The following ACACA variants were observed in gnomAD, a reference collection of about 807,000 sequenced individuals.
ACACA encodes acetyl-CoA carboxylase alpha.
In ACACA, 103 loss-of-function variants were observed where a neutral mutation model predicts 296.1. That is an observed-to-expected ratio of 0.35 (90% CI 0.30 to 0.41). ACACA has a LOEUF of 0.41. Among genes scored for constraint, ACACA ranks in the 10% least tolerant of loss-of-function variants. The pLI is 1.00. For synonymous variants in ACACA, 953 were observed against 1,038.6 expected, an observed-to-expected ratio of 0.92 and a Z score of 1.58; for missense variants, 1,554 against 2,989.7, an observed-to-expected ratio of 0.52 and a Z score of 11.20.
At chr17:37,273,852 C>A (rs1474579845) in intron 9 of ACACA, among the ~76,000 whole-genome samples, 1 of 152,168 alleles carries the variant, frequency 6.6e-6, no homozygotes, top group Non-Finnish European at 1.5e-5. Context: ...TTGTCCCCGC[C>A]CTCACACACT....
chr17:37,336,980 A>G (rs1381478310), intron 2 of ACACA, among the ~76,000 whole-genome samples: 1 of 152,174 alleles, frequency 6.6e-6, no homozygotes, highest in Admixed American at 6.5e-5. Context: ...ATGCTAGAGT[A>G]GTGTGGTTCT....
chr17:37,344,545 G>A (rs373601377), intron 1 of ACACA, among the ~76,000 whole-genome samples: 1 of 151,922 alleles, frequency 6.6e-6, no homozygotes, highest in Non-Finnish European at 1.5e-5. Context: ...GTGACAGAGC[G>A]AGACTCCTTC....
Position 37,255,872 on chromosome 17 carries a change from G to A in ACACA, c.1826+1831C>T, listed in dbSNP as rs551049855. Among the ~76,000 whole-genome samples, 162 of 152,068 alleles carry A rather than the reference G, an allele frequency of 1.1e-3. 1 individual carries two copies. The highest frequency in any genetic ancestry group is 1.9e-3 in the Non-Finnish European group (130 of 67,978). On this transcript the variant is annotated intron_variant, in intron 14 of 55. Transcript: ENST00000616317. Reference sequence around the variant, plus strand: ...AGTGATTCTCCTGCCTCAGCTTCCCGAGTAGCTGGGATTACAGGCAGTTGC... The same window carrying A: ...AGTGATTCTCCTGCCTCAGCTTCCCAAGTAGCTGGGATTACAGGCAGTTGC...
intron 35 of ACACA, among the ~76,000 whole-genome samples, chr17:37,197,741 T>A (rs925495532): frequency 6.6e-6 from 1 of 152,202 alleles, no homozygotes; most frequent in African/African-American, 2.4e-5. Context: ...TGGATGGAGT[T>A]CGGTTTAATA....
intron 1 of ACACA, among the ~76,000 whole-genome samples, chr17:37,360,943 G>GTGAC (rs1195027182): frequency 6.6e-6 from 1 of 152,004 alleles, no homozygotes; most frequent in Non-Finnish European, 1.5e-5. Context: ...CATGAAGGGA[G>GTGAC]TGACTTCAAA....
intron 1 of ACACA, among the ~76,000 whole-genome samples, chr17:37,382,970 G>GAGGTTGCA (rs1489290011): frequency 6.6e-6 from 1 of 152,210 alleles, no homozygotes; most frequent in East Asian, 1.9e-4. Flanking sequence ...CCGGGAGGCG[G>GAGGTTGCA]AGGTTGCAGT....
Position 37,121,452 on chromosome 17 carries a change from A to G in ACACA, c.6177T>C (p.Ser2059=). 6.2e-7 allele frequency: 1 copy of G among 1,614,224 alleles called. No individual in the cohort carries two copies. The highest frequency in any genetic ancestry group is 8.5e-7 in the Non-Finnish European group (1 of 1,180,040). Residue 2059 remains serine, a synonymous_variant, in exon 50 of 56, where the codon TCT becomes TCC. Transcript: ENST00000616317. ...TGATGGCCTGATACGTCTTAAACGC[A>G]GAATCTGGGAACCAAACCTGGCCAG... ...QQAGQVWFPD[S]AFKTYQAIKD...
rs1416584049 is a variant in ACACA at position 37,113,033 on chromosome 17, CCAACAG to C, written c.6452+49_6452+54del. ...GGCTGTAACATTCTCCAGGAGGAAA[CCAACAG>C]CTACAGGGTCCCTAAAGGCAGTGAA... is the stretch of plus-strand genomic sequence containing the variant. On this transcript the variant is annotated intron_variant, in intron 51 of 55. Coordinates refer to ENST00000616317, the MANE Select transcript of ACACA (RefSeq NM_198834.3). This position sits in a 1 kb window ranked among gnomAD's most constrained non-coding sequence, Gnocchi z 4.0. 6.2e-7 allele frequency: 1 copy of C among 1,605,464 alleles called. No individual in the cohort carries two copies. Among genetic ancestry groups the C allele is most frequent in the Non-Finnish European group, 8.5e-7 (1 of 1,173,890 alleles).
chr17:37,182,900 T>C (rs954225686), intron 39 of ACACA, among the ~76,000 whole-genome samples: 2 of 152,192 alleles, frequency 1.3e-5, no homozygotes, highest in African/African-American at 2.4e-5. Context: ...GGGGAAAACA[T>C]GTCTCAGGCT....
rs749410059 is a variant in ACACA, at chr17:37,225,125, G to A, written c.3361-20C>T. ...AAGAACCTAGAGTGAGAACAAAATA[G>A]GAGGCACACATTCCTCGGAGTGATT... is the stretch of plus-strand genomic sequence containing the variant. On this transcript the variant is annotated intron_variant, in intron 26 of 55. Coordinates refer to ENST00000616317, the MANE Select transcript of ACACA (RefSeq NM_198834.3). The A allele has an allele frequency of 5.0e-6, 7 of 1,398,526 alleles. No individual in the cohort carries two copies. The African/African-American group carries it at 9.9e-5, about 20-fold the overall frequency. 86.6% of individuals were successfully genotyped at this position (1,398,526 alleles called of 1,614,324 possible). A position where few individuals can be genotyped will look rare whatever the true frequency, so the allele number is the denominator to read the frequency against.
chr17:37,274,488 T>C (rs1567923061), intron 8 of ACACA, 189 bp from the exon 9 acceptor site: 1 of 596,742 alleles, frequency 1.7e-6, no homozygotes, highest in East Asian at 1.4e-4. Flanking sequence ...ACCCGGCAAC[T>C]TGGGTTCTTA....
intron 45 of ACACA, chr17:37,143,525 T>C (rs1244350593): frequency 4.5e-6 from 2 of 440,682 alleles, no homozygotes; most frequent in East Asian, 1.1e-4. Flanking sequence ...AAGACACTTT[T>C]GGTAGTGTGT....
chr17:37,356,925 C>T (rs1339880456), intron 1 of ACACA, among the ~76,000 whole-genome samples: 4 of 152,058 alleles, frequency 2.6e-5, no homozygotes, highest in Admixed American at 6.6e-5. Context: ...AACCAGTCCA[C>T]GTGACAGGTA....
At chr17:37,157,539 T>TC (rs2076300879) in intron 42 of ACACA, among the ~76,000 whole-genome samples, 1 of 143,754 alleles carries the variant, frequency 7.0e-6, no homozygotes, top group Non-Finnish European at 1.5e-5. Flanking sequence ...ATCTTTTTTT[T>TC]TTTTTTTTTT....
At chr17:37,286,155 G>A (rs1172240369) in intron 3 of ACACA, among the ~76,000 whole-genome samples, 2 of 152,108 alleles carry the variant, frequency 1.3e-5, no homozygotes, top group Admixed American at 1.3e-4. Flanking sequence ...CTTCCAAAGT[G>A]TTGTGATTAC....
chr17:37,122,767 A>G, intron 48 of ACACA, 140 bp from the exon 49 acceptor site: 1 of 755,030 alleles, frequency 1.3e-6, no homozygotes, highest in South Asian at 1.4e-5. Flanking sequence ...TTCTTCTATG[A>G]GTTAAATGTG....
chr17:37,160,860 C>T (rs933013206), intron 42 of ACACA, among the ~76,000 whole-genome samples: 1 of 151,966 alleles, frequency 6.6e-6, no homozygotes, highest in Non-Finnish European at 1.5e-5. Context: ...GAGTTCAACT[C>T]AATGGTACTG....
chr17:37,281,653 G>C (rs1289226602), intron 5 of ACACA, among the ~76,000 whole-genome samples: 1 of 152,118 alleles, frequency 6.6e-6, no homozygotes, highest in East Asian at 1.9e-4. Flanking sequence ...GGATCACAAG[G>C]TCAAGATACC....
chr17:37,343,103 G>A (rs1049288911), intron 1 of ACACA, among the ~76,000 whole-genome samples: 2 of 151,814 alleles, frequency 1.3e-5, no homozygotes, highest in Non-Finnish European at 2.9e-5. Context: ...TCAGCCTTCC[G>A]AGTAGCTGGG....
Sources: gnomAD v4.1 joint callset for allele counts (sites outside exome capture counted in the v4.1 genomes callset) on GRCh38, gnomAD v4.1.1 for gene constraint, Gnocchi (gnomAD v3.1) non-coding constraint, MANE v1.5 for transcripts, NCBI Gene and HGNC (gene_info 2026-07-23, HGNC 2026-07-21) for gene names.